LTBR: variants seen among roughly 807,000 people sequenced by gnomAD.
LTBR encodes lymphotoxin beta receptor, also known as tumor necrosis factor receptor superfamily member 3.
A neutral mutation model predicts 45.4 loss-of-function variants in LTBR; 15 were observed. The ratio of observed to expected loss-of-function variants is 0.33; its 90% CI spans 0.22 to 0.51. The LOEUF is 0.51. LTBR is among the 20% of genes least tolerant of loss of function. The pLI is 0.97. For synonymous variants in LTBR, 228 were observed against 231.0 expected (o/e 0.99, Z 0.12); for missense variants, 450 against 565.5 (o/e 0.80, Z 2.07).
chr12:6,375,711 G>A, intron 1 of LTBR: 1 of 1,431,508 alleles, frequency 7.0e-7, no homozygotes, highest in Non-Finnish European at 9.1e-7. Flanking sequence ...GCGGACTCTG[G>A]GCAGGGGCTT....
chr12:6,381,319 A>G (rs1388161218), upstream of LTBR, among the ~76,000 whole-genome samples: 2 of 152,234 alleles, frequency 1.3e-5, no homozygotes, highest in Admixed American at 6.5e-5. Flanking sequence ...GAAGTGGGGA[A>G]GGAAGGAAGA....
chr12:6,389,010 A>C, intron 8 of LTBR, 185 bp downstream of exon 8: 2 of 616,340 alleles, frequency 3.2e-6, no homozygotes, highest in Non-Finnish European at 5.8e-6. Context: ...TGAGCAAAAC[A>C]CAGTACCTCA....
At chr12:6,383,779 CTG>C (rs1489111546), upstream of LTBR, among the ~76,000 whole-genome samples, 15 of 152,356 alleles carry the variant, frequency 9.8e-5, no homozygotes, top group Admixed American at 2.6e-4. Context: ...AGAGCTGCTT[CTG>C]CGGCCTTGCA....
chr12:6,386,727 T>C lies in LTBR; in HGVS notation c.667+283T>C. The C allele has an allele frequency of 5.6e-6, 2 of 359,228 alleles. No homozygotes were observed. Among genetic ancestry groups the C allele is most frequent in the South Asian group, 5.5e-5 (1 of 18,184 alleles). The allele number at this position is 359,228 out of a possible 1,614,324, so 22.3% of individuals were successfully genotyped here. ...ACTACTATTGTCATCATTTTGGGCT[T>C]ACCAACATTACACAATCCGTTTTTT... On this transcript the variant is annotated intron_variant, in intron 6 of 9. Coordinates refer to ENST00000228918, the MANE Select transcript of LTBR (RefSeq NM_002342.3). The surrounding 1 kb of genome is among the most constrained non-coding windows in gnomAD (Gnocchi z 4.1).
Position 6,390,694 on chromosome 12 carries a change from G to T in LTBR, c.1065G>T (p.Met355Ile). ...TNGIHVTGGSMTITGNIYIYN... is the reference protein window; with the variant it reads ...TNGIHVTGGSITITGNIYIYN... ...GCATTCATGTCACCGGCGGGTCTAT[G>T]ACTATCACTGGCAACATCTACATCT... Residue 355 changes from methionine to isoleucine, a missense_variant, in exon 10 of 10, where the codon ATG becomes ATT. Transcript: ENST00000228918. 1 of 1,499,480 alleles carries T rather than the reference G, an allele frequency of 6.7e-7. No individual in the cohort carries two copies. Among genetic ancestry groups the T allele is most frequent in the South Asian group, 1.4e-5 (1 of 69,428 alleles). 92.9% of individuals were successfully genotyped at this position (1,499,480 alleles called of 1,614,324 possible). A position where few individuals can be genotyped will look rare whatever the true frequency, so the allele number is the denominator to read the frequency against.
rs61761337 is a variant in LTBR at position 6,385,396 on chromosome 12, G to A, written c.472+17G>A. 14,125 of 1,612,960 alleles carry A rather than the reference G, an allele frequency of 8.8e-3. 92 individuals are homozygous for A. Among genetic ancestry groups the A allele is most frequent in the Non-Finnish European group, 9.4e-3 (11,102 of 1,179,392 alleles). On this transcript the variant is annotated intron_variant, in intron 4 of 9. Coordinates refer to ENST00000228918, the MANE Select transcript of LTBR (RefSeq NM_002342.3). ...AGCTCAAAGGTCAGAGGTCCCTGAGGGGCTGGATGTGAAAAGGAGGCTGGG... is the reference window on the plus strand; with the variant it reads ...AGCTCAAAGGTCAGAGGTCCCTGAGAGGCTGGATGTGAAAAGGAGGCTGGG...
Position 6,386,139 on chromosome 12 carries a change from C to T in LTBR, c.546C>T (p.Ser182=), listed in dbSNP as rs144218663. The change falls in exon 5 of 10, where the codon AGC becomes AGT. Residue 182 remains serine, a synonymous_variant. Transcript: ENST00000228918. The surrounding 1 kb of genome is among the most constrained non-coding windows in gnomAD (Gnocchi z 4.1). ...AGHFQNTSSP[S]ARCQPHTRCE... ...ACTTCCAGAATACCTCCTCCCCCAG[C>T]GCCCGCTGCCAGCCCCACACCAGGT... is the stretch of plus-strand genomic sequence containing the variant. 194 of 1,613,602 alleles carry T rather than the reference C, an allele frequency of 1.2e-4. 1 individual carries two copies. The African/African-American group carries it at 1.5e-3, about 12-fold the overall frequency.
At chr12:6,383,640 G>A (rs1225316694), upstream of LTBR, among the ~76,000 whole-genome samples, 6 of 152,158 alleles carry the variant, frequency 3.9e-5, no homozygotes, top group African/African-American at 1.4e-4. Context: ...GTGCGGATTG[G>A]GCTGGGTTGG....
Position 6,385,958 on chromosome 12 carries a change from C to G in LTBR, c.473-108C>G, listed in dbSNP as rs147597418. ...CAGAGCTTGGGAAAGGTGAGAGCTA[C>G]GCAATGGGGTGGATGGGCATCCTGA... On this transcript the variant is annotated intron_variant, in intron 4 of 9. Coordinates refer to ENST00000228918, the MANE Select transcript of LTBR (RefSeq NM_002342.3). The G allele has an allele frequency of 2.7e-3, 1,998 of 731,962 alleles. 47 individuals carry two copies. In the South Asian group the frequency reaches 0.03, roughly 11 times the overall value. 45.3% of individuals were successfully genotyped at this position (731,962 alleles called of 1,614,324 possible).
Position 6,384,405 on chromosome 12 carries a change from C to T in LTBR, c.47C>T (p.Pro16Leu), listed in dbSNP as rs1197894889. ...TCTGCCCCCGGCCTGGCCTGGGGGC[C>T]TCTGGTGCTGGGCCTCTTCGGGCTC... Reference protein sequence around the residue: ...ATSAPGLAWGPLVLGLFGLLA... With the variant: ...ATSAPGLAWGLLVLGLFGLLA... Residue 16 changes from proline to leucine, a missense_variant, in exon 1 of 10, where the codon CCT (proline) becomes CTT (leucine). Physicochemically the swap from Pro to Leu is moderately conservative, Grantham distance 98. Around this residue, in one of 3 missense-constraint regions of LTBR, gnomAD observed 367 missense variants for 435.4 expected, o/e 0.84. Coordinates refer to ENST00000228918, the MANE Select transcript of LTBR (RefSeq NM_002342.3). The T allele has an allele frequency of 6.5e-7, 1 of 1,542,402 alleles. No individual in the cohort carries two copies. The highest frequency in any genetic ancestry group is 2.0e-5 in the Admixed American group (1 of 51,238).
chr12:6,383,944 C>T (rs1949008202), upstream of LTBR: 11 of 954,534 alleles, frequency 1.2e-5, no homozygotes, highest in African/African-American at 1.7e-5. Flanking sequence ...GCCCTTCCCT[C>T]GGCTGGGCCA....
At position 6,390,949 on chromosome 12, in the gene LTBR, A is replaced by T. The variant is rs563841806; in HGVS notation, c.*12A>T. On this transcript the variant is annotated 3_prime_UTR_variant, in exon 10 of 10. Coordinates refer to ENST00000228918, the MANE Select transcript of LTBR (RefSeq NM_002342.3). ...TCACCCATGACTGACTGAGTCTGAG[A>T]AAAGGCAGAAGAAGGGGGGCACAAG... The T allele has an allele frequency of 4.6e-6, 7 of 1,515,396 alleles. No homozygotes were observed. The East Asian group carries it at 1.5e-4, about 32-fold the overall frequency. 93.9% of individuals were successfully genotyped at this position (1,515,396 alleles called of 1,614,324 possible).
Position 6,386,600 on chromosome 12 carries a change from A to G in LTBR, c.667+156A>G, listed in dbSNP as rs919228843. 3 of 598,174 alleles carry G rather than the reference A, an allele frequency of 5.0e-6. No individual in the cohort carries two copies. Among genetic ancestry groups the G allele is most frequent in the Non-Finnish European group, 9.0e-6 (3 of 334,744 alleles). The allele number at this position is 598,174 out of a possible 1,614,324, so 37.1% of individuals were successfully genotyped here. A position where few individuals can be genotyped will look rare whatever the true frequency, so the allele number is the denominator to read the frequency against. ...GAAAAAATTGGAGTATCTCTAGGCT[A>G]GTTTACACACACACACACACACACA... On this transcript the variant is annotated intron_variant, in intron 6 of 9. Transcript: ENST00000228918. The surrounding 1 kb of genome is among the most constrained non-coding windows in gnomAD (Gnocchi z 4.1).
rs1401556935 is a variant in LTBR, at chr12:6,384,387, C to T, written c.29C>T (p.Pro10Leu). The T allele has an allele frequency of 2.0e-6, 3 of 1,537,378 alleles. No individual in the cohort carries two copies. Among genetic ancestry groups the T allele is most frequent in the Admixed American group, 2.0e-5 (1 of 50,840 alleles). ...CTCCTGCCTTGGGCCACCTCTGCCCCCGGCCTGGCCTGGGGGCCTCTGGTG... is the reference window on the plus strand; with the variant it reads ...CTCCTGCCTTGGGCCACCTCTGCCCTCGGCCTGGCCTGGGGGCCTCTGGTG... MLLPWATSA[P>L]GLAWGPLVLG... Residue 10 changes from proline (P) to leucine (L), a missense_variant, in exon 1 of 10, where the codon CCC becomes CTC. By Grantham distance (98) the Pro-to-Leu change is moderately conservative (BLOSUM62 -3). Around this residue, in one of 3 missense-constraint regions of LTBR, gnomAD observed 367 missense variants for 435.4 expected, o/e 0.84. Coordinates refer to ENST00000228918, the MANE Select transcript of LTBR (RefSeq NM_002342.3).
Position 6,388,935 on chromosome 12 carries a change from T to C in LTBR, c.801+110T>C. The C allele has an allele frequency of 7.4e-7, 1 of 1,344,206 alleles. No individual in the cohort carries two copies. The allele number at this position is 1,344,206 out of a possible 1,614,324, so 83.3% of individuals were successfully genotyped here. A position where few individuals can be genotyped will look rare whatever the true frequency, so the allele number is the denominator to read the frequency against. On this transcript the variant is annotated intron_variant, in intron 8 of 9. Coordinates refer to ENST00000228918, the MANE Select transcript of LTBR (RefSeq NM_002342.3). This position sits in a 1 kb window ranked among gnomAD's most constrained non-coding sequence, Gnocchi z 4.3. Reference sequence around the variant, plus strand: ...GCTGACTCCACACTCATTCATTCATTCAACTGATGATTTACTGAACATGCC... The same window carrying C: ...GCTGACTCCACACTCATTCATTCATCCAACTGATGATTTACTGAACATGCC...
rs371095402 is a variant in LTBR at position 6,384,565 on chromosome 12, C to G, written c.97-23C>G. 13 of 1,612,068 alleles carry G rather than the reference C, an allele frequency of 8.1e-6. No individual in the cohort carries two copies. In the African/African-American group the frequency reaches 1.6e-4, roughly 20 times the overall value. The stretch of plus-strand genomic sequence containing the variant: ...CTGACCCCTGACTAATTCTTCTCTC[C>G]TCTTCTCCATCTCCCTTTGAAGGTG... On this transcript the variant is annotated intron_variant, in intron 1 of 9. Coordinates refer to ENST00000228918, the MANE Select transcript of LTBR (RefSeq NM_002342.3).
chr12:6,382,617 T>A (rs1485820899), upstream of LTBR, among the ~76,000 whole-genome samples: 1 of 152,160 alleles, frequency 6.6e-6, no homozygotes, highest in East Asian at 1.9e-4. Flanking sequence ...ATCTGTACGG[T>A]GAGCTGCCTG....
At chr12:6,390,607 C>T (rs1050622599) in intron 9 of LTBR, 53 bp from the exon 10 acceptor site, 98 of 1,480,266 alleles carry the variant, frequency 6.6e-5, no homozygotes, top group Non-Finnish European at 8.2e-5. Context: ...CAAGAAGCAG[C>T]GGGCCTGAAC....
intron 6 of LTBR, chr12:6,387,653 C>T (rs1949064268): frequency 4.0e-6 from 1 of 251,632 alleles, no homozygotes; most frequent in African/African-American, 2.3e-5. Flanking sequence ...AGTCCTCCCG[C>T]CCTTCCCCAG....
Sources: allele counts gnomAD v4.1 joint callset (sites outside exome capture counted in the v4.1 genomes callset), GRCh38; gene constraint gnomAD v4.1.1; regional missense constraint gnomAD v4.1.1; non-coding constraint Gnocchi (gnomAD v3.1); transcripts MANE v1.5; gene names NCBI Gene and HGNC (gene_info 2026-07-23, HGNC 2026-07-21).